The following CACNB2 variants were observed in gnomAD, a reference collection of about 807,000 sequenced individuals.
CACNB2 encodes the protein calcium voltage-gated channel auxiliary subunit beta 2, also known as voltage-dependent L-type calcium channel subunit beta-2.
In CACNB2, 42 loss-of-function variants were observed where a neutral mutation model predicts 73.3. The observed-to-expected ratio is 0.57, with a 90% CI of 0.45 to 0.74. The LOEUF (loss-of-function observed/expected upper bound fraction) is 0.74. Among genes scored for constraint, CACNB2 ranks in the 30% least tolerant of loss-of-function variants. The probability of loss-of-function intolerance (pLI) is 0.00; values close to 1 mark genes in which losing one functional copy is unlikely to be tolerated. For synonymous variants in CACNB2, 348 were observed against 310.3 expected (o/e 1.12, Z -1.28); for missense variants, 940 against 853.0 (o/e 1.10, Z -1.27).
rs1564677473 is a variant in CACNB2 at position 18,539,428 on chromosome 10, CGAGACTCTGCCTACGTA to C, written c.1691_1707del (p.Asp564AlafsTer8). ...ATTTGACTCGGAAACCCAGGAGAGT[CGAGACTCTGCCTACGTA>C]GAGCCAAAGGAAGATTATTCCCATG... On this transcript the variant is annotated frameshift_variant, in exon 14 of 14. Coordinates refer to ENST00000324631, the MANE Select transcript of CACNB2 (RefSeq NM_201596.3). LOFTEE classifies it high-confidence loss of function. 1 of 1,613,826 alleles carries C rather than the reference CGAGACTCTGCCTACGTA, an allele frequency of 6.2e-7. No individual in the cohort carries two copies. The highest frequency in any genetic ancestry group is 2.2e-5 in the East Asian group (1 of 44,858).
intron 3 of CACNB2, among the ~76,000 whole-genome samples, chr10:18,440,335 C>T (rs954335235): frequency 2.6e-5 from 4 of 152,030 alleles, no homozygotes; most frequent in African/African-American, 9.7e-5. Flanking sequence ...ATAGTAAAAA[C>T]TAAGAAGGTA....
chr10:18,515,068 A>C, intron 7 of CACNB2: 1 of 1,566,776 alleles, frequency 6.4e-7, no homozygotes, highest in Non-Finnish European at 8.8e-7. Flanking sequence ...GTCATATATA[A>C]ATATTCTCCC....
intron 2 of CACNB2, among the ~76,000 whole-genome samples, chr10:18,275,279 A>T (rs999499503): frequency 2.6e-5 from 4 of 152,200 alleles, no homozygotes; most frequent in African/African-American, 9.7e-5. Context: ...TTAAGTACCA[A>T]TGTGCCATCT....
intron 9 of CACNB2, among the ~76,000 whole-genome samples, chr10:18,525,974 G>T (rs1028830888): frequency 1.3e-5 from 2 of 152,026 alleles, no homozygotes; most frequent in Middle Eastern, 3.2e-3. Flanking sequence ...GTGAATAATT[G>T]TCATAATTGA....
At chr10:18,346,753 C>T (rs543486991) in intron 2 of CACNB2, among the ~76,000 whole-genome samples, 2 of 151,826 alleles carry the variant, frequency 1.3e-5, no homozygotes, top group South Asian at 2.1e-4. Flanking sequence ...TGTGCCACCG[C>T]GCCTGGCTAA....
chr10:18,518,500 G>C, intron 8 of CACNB2, 84 bp downstream of exon 8: 1 of 984,158 alleles, frequency 1.0e-6, no homozygotes, highest in South Asian at 1.3e-5. Context: ...CCCTCTCTCT[G>C]AATTTTACAG....
chr10:18,539,585 A>C lies in CACNB2; in HGVS notation c.1844A>C (p.Glu615Ala), dbSNP rs1564678668. The C allele has an allele frequency of 1.1e-5, 18 of 1,613,918 alleles. No homozygotes were observed. Among genetic ancestry groups the C allele is most frequent in the Non-Finnish European group, 1.5e-5 (18 of 1,179,962 alleles). The change falls in exon 14 of 14, where the codon GAG becomes GCG. Residue 615 changes from glutamate to alanine, a missense_variant. Transcript: ENST00000324631. ...CACCGTTCCCGGGACGTGGATCGAG[A>C]GCAGGACCACAACGAGTGCAACAAG... ...SRHRSRDVDREQDHNECNKQR... is the reference protein window; with the variant it reads ...SRHRSRDVDRAQDHNECNKQR...
chr10:18,200,093 C>T (rs909973923), intron 2 of CACNB2, among the ~76,000 whole-genome samples: 12 of 151,834 alleles, frequency 7.9e-5, no homozygotes, highest in Non-Finnish European at 1.6e-4. Flanking sequence ...AAACAGACAT[C>T]CTTGAACAGT....
intron 3 of CACNB2, among the ~76,000 whole-genome samples, chr10:18,421,089 TAA>T (rs1280403630): frequency 6.6e-6 from 1 of 152,178 alleles, no homozygotes; most frequent in Admixed American, 6.5e-5. Context: ...CATATGTATG[TAA>T]AATATCTTCA....
Position 18,140,478 on chromosome 10 carries a change from C to A in CACNB2, c.-259C>A, listed in dbSNP as rs12764271. On this transcript the variant is annotated 5_prime_UTR_variant, in exon 1 of 14. Coordinates refer to ENST00000324631, the MANE Select transcript of CACNB2 (RefSeq NM_201596.3). Reference sequence around the variant, plus strand: ...GCTGCCCCGCTGAGGGCTCCCCTCTCCCAGGCACCGCAGCCGCGCCCCCGC... The same window carrying A: ...GCTGCCCCGCTGAGGGCTCCCCTCTACCAGGCACCGCAGCCGCGCCCCCGC... 0.074 allele frequency among the ~76,000 whole-genome samples: 11,235 copies of A among 151,846 alleles called. 560 individuals are homozygous for A. The highest frequency in any genetic ancestry group is 0.12 in the Admixed American group (1,818 of 15,246).
At chr10:18,470,652 A>G (rs1335383842) in intron 3 of CACNB2, among the ~76,000 whole-genome samples, 3 of 152,032 alleles carry the variant, frequency 2.0e-5, no homozygotes, top group Non-Finnish European at 4.4e-5. Flanking sequence ...TAAATTATAC[A>G]TGCAGTTCAC....
Position 18,534,096 on chromosome 10 carries a change from G to T in CACNB2, c.1075G>T (p.Glu359Ter), listed in dbSNP as rs112164873. 1 of 1,613,982 alleles carries T rather than the reference G, an allele frequency of 6.2e-7. No individual in the cohort carries two copies. The highest frequency in any genetic ancestry group is 8.5e-7 in the Non-Finnish European group (1 of 1,179,938). ...SSLAEVQSEI[E>*]RIFELARTLQ... Reference sequence around the variant, plus strand: ...TACAGCGGAAGTTCAGAGTGAAATCGAAAGGATTTTTGAACTTGCAAGAAC... The same window carrying T: ...TACAGCGGAAGTTCAGAGTGAAATCTAAAGGATTTTTGAACTTGCAAGAAC... The change falls in exon 11 of 14, where the codon GAA (glutamate) becomes TAA (stop). Residue 359 changes from glutamate (E) to a stop codon, truncating the protein, a stop_gained. Transcript: ENST00000324631. LOFTEE classifies it high-confidence loss of function.
intron 3 of CACNB2, among the ~76,000 whole-genome samples, chr10:18,497,088 T>C (rs1176648869): frequency 2.0e-5 from 3 of 151,230 alleles, no homozygotes; most frequent in Middle Eastern, 3.4e-3. Context: ...GGCTCACGCC[T>C]ATAATCCAAG....
At chr10:18,523,710 T>C (rs1387048803) in intron 9 of CACNB2, among the ~76,000 whole-genome samples, 2 of 152,200 alleles carry the variant, frequency 1.3e-5, no homozygotes, top group African/African-American at 2.4e-5. Flanking sequence ...GTCTTTGCTT[T>C]TGGCAAGGCA....
chr10:18,441,671 G>A (rs1483748029), intron 3 of CACNB2, among the ~76,000 whole-genome samples: 1 of 152,134 alleles, frequency 6.6e-6, no homozygotes, highest in Non-Finnish European at 1.5e-5. Context: ...GGGTCTCACT[G>A]TCGCCCAGGC....
chr10:18,443,481 G>A (rs560336848), intron 3 of CACNB2, among the ~76,000 whole-genome samples: 3 of 152,118 alleles, frequency 2.0e-5, no homozygotes, highest in Non-Finnish European at 4.4e-5. Context: ...ATGGGTTATT[G>A]AGTTCTGTTT....
At chr10:18,424,933 TG>T (rs1412598781) in intron 3 of CACNB2, among the ~76,000 whole-genome samples, 1 of 152,192 alleles carries the variant, frequency 6.6e-6, no homozygotes. Context: ...TGTCTCCTGA[TG>T]CATGTGTGCA....
intron 2 of CACNB2, among the ~76,000 whole-genome samples, chr10:18,197,106 C>T (rs1408131656): frequency 2.0e-5 from 3 of 152,124 alleles, no homozygotes; most frequent in African/African-American, 7.2e-5. Context: ...GGCAGTGCTT[C>T]CCTATAATGA....
intron 2 of CACNB2, among the ~76,000 whole-genome samples, chr10:18,307,268 C>G (rs1263431395): frequency 6.6e-6 from 1 of 152,144 alleles, no homozygotes; most frequent in Non-Finnish European, 1.5e-5. Context: ...TTGAGACCAG[C>G]CTAGTCAACT....
Sources: allele counts gnomAD v4.1 joint callset (sites outside exome capture counted in the v4.1 genomes callset), GRCh38; gene constraint gnomAD v4.1.1; transcripts MANE v1.5; gene names NCBI Gene and HGNC (gene_info 2026-07-23, HGNC 2026-07-21).